The following TPO variants were observed in gnomAD, a reference collection of about 807,000 sequenced individuals.
TPO encodes thyroid microsomal antigen.
TPO carries 78 observed loss-of-function variants against 96.9 expected under a neutral mutation model. The ratio of observed to expected loss-of-function variants is 0.81; its 90% confidence interval spans 0.67 to 0.97. The LOEUF is 0.97. Among genes scored for constraint, TPO ranks in the 50% least tolerant of loss-of-function variants. The pLI is 0.00. For synonymous variants in TPO, 547 were observed against 538.0 expected (o/e 1.02, Z -0.23); for missense variants, 1,252 against 1,274.8 (o/e 0.98, Z 0.27).
In TPO at chr2:1,430,885, A is replaced by G. The variant is rs1026746056; in HGVS notation, c.180-2553A>G. Among the ~76,000 whole-genome samples the G allele has an allele frequency of 3.9e-5, 6 of 152,208 alleles. No individual in the cohort carries two copies. The East Asian group carries it at 1.2e-3, about 29-fold the overall frequency. ...TGCCCCCATTGTATCTTGGAAACAT[A>G]TAACTGCTTTTTTATCTCAGAGGCT... is the stretch of plus-strand genomic sequence containing the variant. On this transcript the variant is annotated intron_variant, in intron 3 of 16. Transcript: ENST00000329066.
chr2:1,526,005 C>G (rs1475104133), intron 15 of TPO, among the ~76,000 whole-genome samples: 7 of 136,458 alleles, frequency 5.1e-5, no homozygotes, highest in Admixed American at 1.5e-4. Context: ...AAATCCCCCA[C>G]TGTGTGCAAC....
chr2:1,530,515 TCCCCCACTCTGTGCAACCCCCCCAAATCC>T (rs1259278530), intron 15 of TPO, among the ~76,000 whole-genome samples: 4 of 17,544 alleles, frequency 2.3e-4, no homozygotes, highest in African/African-American at 1.0e-3. Context: ...TCCCCAAATC[TCCCCCACTCTGTGCAACCCCCCCAAATCC>T]CCCCCATTGT....
At chr2:1,436,202 G>C (rs1488104911) in intron 4 of TPO, 50 bp from the exon 5 acceptor site, 1 of 1,613,648 alleles carries the variant, frequency 6.2e-7, no homozygotes, top group Non-Finnish European at 8.5e-7. Flanking sequence ...TATTTGTTAG[G>C]TGGATTTGTG....
In TPO at chr2:1,543,273, C is replaced by G. The variant is rs1187830596; in HGVS notation, c.*799C>G. On this transcript the variant is annotated 3_prime_UTR_variant, in exon 17 of 17. Transcript: ENST00000329066. Reference sequence around the variant, plus strand: ...TGAATTCCAGAGTGCTGGGTCCCAGCCCAGGCAGCCCTCAGCCTCACGCAA... The same window carrying G: ...TGAATTCCAGAGTGCTGGGTCCCAGGCCAGGCAGCCCTCAGCCTCACGCAA... 1 of 152,396 alleles carries G rather than the reference C, an allele frequency of 6.6e-6. No homozygotes were observed. The highest frequency in any genetic ancestry group is 6.5e-5 in the Admixed American group (1 of 15,302). The allele number at this position is 152,396 out of a possible 1,614,324, so 9.4% of individuals were successfully genotyped here.
rs757262481 is a variant in TPO, at chr2:1,453,828, G to A, written c.612+5G>A. The A allele has an allele frequency of 6.2e-7, 1 of 1,613,688 alleles. No homozygotes were observed. The highest frequency in any genetic ancestry group is 2.2e-5 in the East Asian group (1 of 44,872). ...AACGGGTTCCCACTGCCCCCGGTGG[G>A]TACTCAGAACGCTACTATCCTGGAC... On this transcript the variant is annotated splice_donor_5th_base_variant and intron_variant, in intron 6 of 16. Coordinates refer to ENST00000329066, the MANE Select transcript of TPO (RefSeq NM_001206744.2).
At chr2:1,455,217 A>G (rs1285247533) in intron 6 of TPO, among the ~76,000 whole-genome samples, 2 of 152,164 alleles carry the variant, frequency 1.3e-5, no homozygotes, top group African/African-American at 4.8e-5. Flanking sequence ...CAACCTTCCC[A>G]TCTCAAGGCC....
At chr2:1,505,736 C>T (rs1012286911) in intron 14 of TPO, among the ~76,000 whole-genome samples, 22 of 152,060 alleles carry the variant, frequency 1.4e-4, no homozygotes, top group Admixed American at 2.6e-4. Flanking sequence ...TCCCCTCATC[C>T]TCCACCCCTC....
chr2:1,523,190 C>G (rs1484360555), intron 15 of TPO, among the ~76,000 whole-genome samples: 2 of 130,936 alleles, frequency 1.5e-5, no homozygotes, highest in Non-Finnish European at 3.3e-5. Context: ...TCAAATCCCC[C>G]CAACTGTTTG....
At position 1,542,517 on chromosome 2, in the gene TPO, A is replaced by G. The variant is rs371827775; in HGVS notation, c.*43A>G. On this transcript the variant is annotated 3_prime_UTR_variant, in exon 17 of 17. Transcript: ENST00000329066. ...ACTGCAGAACAGCTTCATGTTCCCA[A>G]AATCACCGTACGACTCTTTTCCAAA... 38 of 1,612,668 alleles carry G rather than the reference A, an allele frequency of 2.4e-5. No homozygotes were observed. The African/African-American group carries it at 4.8e-4, about 20-fold the overall frequency.
intron 3 of TPO, among the ~76,000 whole-genome samples, chr2:1,430,668 G>C (rs573331535): frequency 1.3e-5 from 2 of 152,390 alleles, no homozygotes; most frequent in South Asian, 4.1e-4. Context: ...GGAAGCCACA[G>C]GGGCAGAGCT....
chr2:1,438,792 T>G, intron 5 of TPO: 1 of 700,688 alleles, frequency 1.4e-6, no homozygotes, highest in Non-Finnish European at 2.6e-6. Context: ...TTTTTTTTTT[T>G]TTTTGCAAAT....
At chr2:1,391,129 G>A (rs1416233458) in intron 1 of TPO, among the ~76,000 whole-genome samples, 3 of 152,154 alleles carry the variant, frequency 2.0e-5, no homozygotes, top group Non-Finnish European at 4.4e-5. Context: ...GAATGGTATC[G>A]CCTAGGTTTT....
chr2:1,480,849 A>ACGTCCCTGCTGCTGCG (rs1491437363), intron 8 of TPO, among the ~76,000 whole-genome samples: 8 of 151,382 alleles, frequency 5.3e-5, no homozygotes, highest in African/African-American at 4.8e-5. Context: ...TGTCCTCACC[A>ACGTCCCTGCTGCTGCG]TACCCACTCT....
At chr2:1,498,287 G>A (rs1186266509) in intron 13 of TPO, among the ~76,000 whole-genome samples, 1 of 152,220 alleles carries the variant, frequency 6.6e-6, no homozygotes, top group Admixed American at 6.5e-5. Flanking sequence ...GCAGGGGTCA[G>A]GTAGGGGTGC....
chr2:1,428,059 C>T (rs1664609914), intron 3 of TPO, among the ~76,000 whole-genome samples: 1 of 152,192 alleles, frequency 6.6e-6, no homozygotes, highest in African/African-American at 2.4e-5. Flanking sequence ...TCTGTGTGGG[C>T]TCTTCACATT....
chr2:1,386,208 G>A (rs1030234806), intron 1 of TPO, among the ~76,000 whole-genome samples: 6 of 152,152 alleles, frequency 3.9e-5, no homozygotes, highest in African/African-American at 1.2e-4. Flanking sequence ...GGCGTGGAGA[G>A]TTCTATAGAT....
intron 8 of TPO, among the ~76,000 whole-genome samples, chr2:1,479,791 T>TC (rs1491183923): frequency 7.9e-6 from 1 of 126,804 alleles, no homozygotes; most frequent in Non-Finnish European, 1.7e-5. Flanking sequence ...TCCTTCTTCT[T>TC]CTTTTTTTTT....
At chr2:1,531,348 GTGC>G (rs1461575269) in intron 15 of TPO, among the ~76,000 whole-genome samples, 14 of 76,628 alleles carry the variant, frequency 1.8e-4, no homozygotes, top group Non-Finnish European at 2.4e-4. Flanking sequence ...CTCCCACTGT[GTGC>G]AGCCTCCCCA....
intron 2 of TPO, 128 bp from the exon 3 acceptor site, chr2:1,422,917 G>C: frequency 1.0e-6 from 1 of 959,014 alleles, no homozygotes; most frequent in Non-Finnish European, 1.6e-6. Flanking sequence ...CCGGGACCTG[G>C]CTGCCTGCCT....
Sources: gnomAD v4.1 joint callset for allele counts (sites outside exome capture counted in the v4.1 genomes callset) on GRCh38, gnomAD v4.1.1 for gene constraint, MANE v1.5 for transcripts, NCBI Gene and HGNC (gene_info 2026-07-23, HGNC 2026-07-21) for gene names.